Variants in CHIC2 observed in about 807,000 individuals in gnomAD.
CHIC2 encodes the protein cysteine rich hydrophobic domain 2, also known as cysteine-rich hydrophobic domain-containing protein 2.
In CHIC2, 14 loss-of-function variants were observed where a neutral mutation model predicts 25.9. That is an observed-to-expected ratio of 0.54 (90% CI 0.36 to 0.85). The LOEUF is 0.85. Among genes scored for constraint, CHIC2 ranks in the 40% least tolerant of loss-of-function variants. CHIC2 has a pLI of 0.01. For missense variants in CHIC2, 146 were observed against 202.0 expected (o/e 0.72, Z 1.68); for synonymous variants, 70 against 72.0 (o/e 0.97, Z 0.14).
chr4:54,091,263 C>T, the CHIC2 span, among the ~76,000 whole-genome samples: 1 of 152,168 alleles, frequency 6.6e-6, no homozygotes, highest in African/African-American at 2.4e-5. Context: ...CCTCAGCCCA[C>T]GCCAGGCTCC....
At chr4:54,015,846 C>A (rs1209422420) in intron 3 of CHIC2, among the ~76,000 whole-genome samples, 1 of 152,198 alleles carries the variant, frequency 6.6e-6, no homozygotes, top group Non-Finnish European at 1.5e-5. Flanking sequence ...AAGGGCTGAC[C>A]TCTCAAACCG....
intron 3 of CHIC2, among the ~76,000 whole-genome samples, chr4:54,016,490 G>C (rs919765573): frequency 6.6e-6 from 1 of 151,968 alleles, no homozygotes; most frequent in African/African-American, 2.4e-5. Flanking sequence ...TAATGATAGG[G>C]CTTGGTATAA....
the CHIC2 span, among the ~76,000 whole-genome samples, chr4:54,083,018 CTT>C: frequency 1.2e-4 from 8 of 67,908 alleles, no homozygotes; most frequent in Admixed American, 4.3e-4. Context: ...TTCTTTCTTT[CTT>C]TTTTTTTTTT....
rs566045908 is a variant in CHIC2 at position 54,009,970 on chromosome 4, A to G, written c.*125T>C. The stretch of plus-strand genomic sequence containing the variant: ...GCGGTTATTTAAAAAAAAAACAAAA[A>G]CAAAAACAAAAAAAACACCACACGA... On this transcript the variant is annotated 3_prime_UTR_variant, in exon 6 of 6. Transcript: ENST00000263921. 4 of 579,218 alleles carry G rather than the reference A, an allele frequency of 6.9e-6. No homozygotes were observed. The highest frequency in any genetic ancestry group is 1.2e-5 in the Non-Finnish European group (4 of 338,514). The allele number at this position is 579,218 out of a possible 1,614,324, so 35.9% of individuals were successfully genotyped here.
chr4:54,052,918 C>A (rs1717050947), intron 1 of CHIC2, among the ~76,000 whole-genome samples: 1 of 152,074 alleles, frequency 6.6e-6, no homozygotes, highest in Non-Finnish European at 1.5e-5. Flanking sequence ...TTCATTGAAT[C>A]TTTATTCACA....
intron 5 of CHIC2, among the ~76,000 whole-genome samples, chr4:54,011,129 T>C (rs982214432): frequency 6.6e-6 from 1 of 152,176 alleles, no homozygotes; most frequent in Non-Finnish European, 1.5e-5. Flanking sequence ...GAACTCATCA[T>C]TCTTTTTCAG....
chr4:54,085,834 G>C, the CHIC2 span, among the ~76,000 whole-genome samples: 2 of 152,000 alleles, frequency 1.3e-5, no homozygotes, highest in African/African-American at 4.8e-5. Context: ...GGTCTGGAAA[G>C]GGAACTTGTC....
At chr4:54,081,906 A>G in the CHIC2 span, among the ~76,000 whole-genome samples, 1 of 152,296 alleles carries the variant, frequency 6.6e-6, no homozygotes, top group African/African-American at 2.4e-5. Context: ...GAGAAGCCAT[A>G]GTTTTGAATA....
At chr4:54,069,938 A>C in the CHIC2 span, among the ~76,000 whole-genome samples, 1 of 152,208 alleles carries the variant, frequency 6.6e-6, no homozygotes, top group Non-Finnish European at 1.5e-5. Flanking sequence ...TCCACTGGGG[A>C]GGACTGACAG....
the CHIC2 span, among the ~76,000 whole-genome samples, chr4:54,081,340 T>A: frequency 6.6e-6 from 1 of 151,986 alleles, no homozygotes; most frequent in African/African-American, 2.4e-5. Context: ...ATGGGCATGA[T>A]ACCCTTCTTA....
At chr4:54,047,084 C>A (rs1560393987) in intron 3 of CHIC2, among the ~76,000 whole-genome samples, 1 of 152,136 alleles carries the variant, frequency 6.6e-6, no homozygotes, top group Non-Finnish European at 1.5e-5. Context: ...AAATGCAAAT[C>A]AAAACCACAA....
At chr4:54,025,140 A>G (rs1002523187) in intron 3 of CHIC2, among the ~76,000 whole-genome samples, 2 of 151,772 alleles carry the variant, frequency 1.3e-5, no homozygotes, top group African/African-American at 4.9e-5. Flanking sequence ...AGCCCAAGCT[A>G]AGACATCATA....
chr4:54,033,557 T>C (rs1258562596), intron 3 of CHIC2, among the ~76,000 whole-genome samples: 6 of 152,168 alleles, frequency 3.9e-5, no homozygotes, highest in Admixed American at 6.5e-5. Context: ...GGTGTTCTTT[T>C]AGGGATTGTG....
intron 3 of CHIC2, among the ~76,000 whole-genome samples, chr4:54,018,031 G>T (rs1031241819): frequency 4.6e-5 from 7 of 152,142 alleles, no homozygotes; most frequent in African/African-American, 1.7e-4. Context: ...CATAAGAATA[G>T]AAATTTTGGC....
the CHIC2 span, among the ~76,000 whole-genome samples, chr4:54,072,262 A>G: frequency 2.6e-5 from 4 of 151,914 alleles, no homozygotes; most frequent in African/African-American, 7.3e-5. Context: ...AGATTGCGCC[A>G]CTGCACTCCA....
intron 3 of CHIC2, among the ~76,000 whole-genome samples, chr4:54,029,819 T>A (rs905640665): frequency 3.9e-5 from 6 of 152,216 alleles, no homozygotes; most frequent in Non-Finnish European, 8.8e-5. Context: ...ATTCCTCCCA[T>A]ATACCAATAT....
chr4:54,064,340 C>A lies in CHIC2; in HGVS notation c.-40G>T, dbSNP rs1364470678. The A allele has an allele frequency of 1.9e-6, 3 of 1,610,740 alleles. No homozygotes were observed. Among genetic ancestry groups the A allele is most frequent in the African/African-American group, 1.3e-5 (1 of 74,964 alleles). ...CTCCCCTGCCCAAAGGGCCTGACTCCCGGGGTTGGCGCCGGGGTACCGGCG... is the reference window on the plus strand; with the variant it reads ...CTCCCCTGCCCAAAGGGCCTGACTCACGGGGTTGGCGCCGGGGTACCGGCG... On this transcript the variant is annotated 5_prime_UTR_variant, in exon 1 of 6. Transcript: ENST00000263921. The surrounding 1 kb of genome is among the most constrained non-coding windows in gnomAD (Gnocchi z 4.2).
intron 1 of CHIC2, among the ~76,000 whole-genome samples, chr4:54,062,089 A>G (rs1232933313): frequency 1.3e-5 from 2 of 152,210 alleles, no homozygotes; most frequent in Non-Finnish European, 2.9e-5. Flanking sequence ...GGTATCGACT[A>G]TAACTATCCC....
rs1251271281 is a variant in CHIC2 at position 54,064,309 on chromosome 4, T to A, written c.-9A>T. 6.2e-7 allele frequency: 1 copy of A among 1,613,164 alleles called. No homozygotes were observed. The highest frequency in any genetic ancestry group is 1.1e-5 in the South Asian group (1 of 90,952). On this transcript the variant is annotated 5_prime_UTR_variant, in exon 1 of 6. Transcript: ENST00000263921. The surrounding 1 kb of genome is among the most constrained non-coding windows in gnomAD (Gnocchi z 4.2). ...TCGTCGAAATCCGCCATCCTGAGCC[T>A]CCGAGCTCCCCTGCCCAAAGGGCCT... is the stretch of plus-strand genomic sequence containing the variant.
Sources: gnomAD v4.1 joint callset for allele counts (sites outside exome capture counted in the v4.1 genomes callset) on GRCh38, gnomAD v4.1.1 for gene constraint, Gnocchi (gnomAD v3.1) non-coding constraint, MANE v1.5 for transcripts, NCBI Gene and HGNC (gene_info 2026-07-23, HGNC 2026-07-21) for gene names.